CYP4X1: variants seen among roughly 807,000 people sequenced by gnomAD.
CYP4X1 encodes cytochrome P450 family 4 subfamily X member 1.
Under a neutral mutation model 57.9 loss-of-function variants are expected in CYP4X1, and 44 were observed. The observed-to-expected ratio is 0.76, with a 90% CI of 0.60 to 0.98. CYP4X1 has a LOEUF of 0.98. Ranked by LOEUF, CYP4X1 falls within the 50% of genes least tolerant of loss-of-function variation. The pLI is 0.00. For missense variants in CYP4X1, 532 were observed against 623.9 expected (o/e 0.85, Z 1.57); for synonymous variants, 227 against 228.6 (o/e 0.99, Z 0.06).
chr1:46,976,837 G>A, the CYP4X1 span, among the ~76,000 whole-genome samples: 1 of 152,176 alleles, frequency 6.6e-6, no homozygotes, highest in Non-Finnish European at 1.5e-5. Flanking sequence ...AACAGTGTTG[G>A]GAGTGGACCT....
intron 9 of CYP4X1, 61 bp from the exon 10 acceptor site, chr1:47,048,504 G>A: frequency 6.4e-7 from 1 of 1,571,620 alleles, no homozygotes; most frequent in South Asian, 1.1e-5. Context: ...TTGTTTAAGA[G>A]CACAGTAGCC....
At chr1:47,036,370 T>TTTTATATATATATATA (rs1553152517) in intron 6 of CYP4X1, among the ~76,000 whole-genome samples, 199 bp downstream of exon 6, 5 of 129,824 alleles carry the variant, frequency 3.9e-5, no homozygotes, top group East Asian at 3.6e-4. Flanking sequence ...ATCAGAATTT[T>TTTTATATATATATATA]TATATATATA....
At chr1:47,031,512 C>A (rs754547297) in intron 3 of CYP4X1, 32 bp downstream of exon 3, 1 of 1,608,708 alleles carries the variant, frequency 6.2e-7, no homozygotes, top group East Asian at 2.2e-5. Flanking sequence ...GTATAACCCA[C>A]TCTCATTCAA....
chr1:46,980,615 A>G, the CYP4X1 span, among the ~76,000 whole-genome samples: 8 of 152,236 alleles, frequency 5.3e-5, no homozygotes, highest in African/African-American at 1.7e-4. Context: ...TCTTCACAGA[A>G]TTAGAAAAAG....
At chr1:46,968,074 C>T in the CYP4X1 span, among the ~76,000 whole-genome samples, 1 of 152,144 alleles carries the variant, frequency 6.6e-6, no homozygotes, top group African/African-American at 2.4e-5. Context: ...TGCCCAGGGA[C>T]TAGGATCCTT....
the CYP4X1 span, among the ~76,000 whole-genome samples, chr1:46,991,547 C>T: frequency 6.6e-6 from 1 of 152,178 alleles, no homozygotes; most frequent in Non-Finnish European, 1.5e-5. Context: ...GATTATCATC[C>T]ATGGAGCTGT....
intron 8 of CYP4X1, among the ~76,000 whole-genome samples, chr1:47,043,665 G>C (rs931714974): frequency 6.6e-6 from 1 of 152,096 alleles, no homozygotes; most frequent in East Asian, 1.9e-4. Context: ...TTTTGTATAA[G>C]GTGAGAGATG....
the CYP4X1 span, chr1:47,001,169 G>A: frequency 5.2e-6 from 1 of 190,606 alleles, no homozygotes; most frequent in South Asian, 1.3e-4. Flanking sequence ...CCAGTCTGAA[G>A]CTGAGTATTC....
chr1:47,035,755 C>T (rs1370714549), intron 4 of CYP4X1, 51 bp from the exon 5 acceptor site: 2 of 1,573,590 alleles, frequency 1.3e-6, no homozygotes, highest in Non-Finnish European at 1.7e-6. Context: ...CAAATGAAGG[C>T]AATTTGGTCA....
intron 1 of CYP4X1, among the ~76,000 whole-genome samples, chr1:47,028,194 A>G (rs1164009047): frequency 6.6e-6 from 1 of 152,124 alleles, no homozygotes; most frequent in Non-Finnish European, 1.5e-5. Flanking sequence ...GTGCATCTGC[A>G]TGTGTACTTG....
At chr1:47,017,637 A>G in the CYP4X1 span, among the ~76,000 whole-genome samples, 1 of 152,132 alleles carries the variant, frequency 6.6e-6, no homozygotes, top group South Asian at 2.1e-4. Context: ...CTCCCATTCT[A>G]TTCAATGTCG....
intron 1 of CYP4X1, among the ~76,000 whole-genome samples, 188 bp from the exon 2 acceptor site, chr1:47,029,802 C>T (rs1431529188): frequency 1.3e-5 from 2 of 152,178 alleles, no homozygotes; most frequent in Non-Finnish European, 1.5e-5. Context: ...AAGATAAATA[C>T]ACTAACTTTG....
chr1:47,051,430 G>A (rs146129142), downstream of CYP4X1, among the ~76,000 whole-genome samples: 708 of 150,930 alleles, frequency 4.7e-3, 1 homozygote, highest in African/African-American at 0.016. Context: ...TGTCATCTAT[G>A]TGGTATCTTC....
rs555699105 is a variant in CYP4X1, at chr1:47,025,512, G to A, written c.177+1518G>A. Reference sequence around the variant, plus strand: ...ATTCCACTGTCCCAGTAACTATATAGTATTGTATTTTTTAAATAGAAAAAC... The same window carrying A: ...ATTCCACTGTCCCAGTAACTATATAATATTGTATTTTTTAAATAGAAAAAC... On this transcript the variant is annotated intron_variant, in intron 1 of 11. Transcript: ENST00000371901. Among the ~76,000 whole-genome samples the A allele has an allele frequency of 7.2e-5, 11 of 152,230 alleles. No individual in the cohort carries two copies. The South Asian group carries it at 2.3e-3, about 32-fold the overall frequency.
intron 1 of CYP4X1, among the ~76,000 whole-genome samples, chr1:47,024,214 C>T (rs760336516): frequency 6.6e-6 from 1 of 152,192 alleles, no homozygotes; most frequent in Non-Finnish European, 1.5e-5. Context: ...AAAGAGGAAG[C>T]TTTGGGGGCT....
At chr1:47,040,785 T>C (rs1481922342) in intron 8 of CYP4X1, among the ~76,000 whole-genome samples, 1 of 152,128 alleles carries the variant, frequency 6.6e-6, no homozygotes, top group Non-Finnish European at 1.5e-5. Context: ...AACTCATACT[T>C]ATCATTTTTT....
intron 1 of CYP4X1, among the ~76,000 whole-genome samples, chr1:47,026,745 T>G (rs2405588): frequency 0.51 from 77,655 of 151,820 alleles, 22,165 homozygotes; most frequent in Non-Finnish European, 0.65. Context: ...TGAGACAGAG[T>G]CCTGCTCTGT....
At chr1:47,007,716 T>C in the CYP4X1 span, among the ~76,000 whole-genome samples, 1 of 152,016 alleles carries the variant, frequency 6.6e-6, no homozygotes, top group Non-Finnish European at 1.5e-5. Flanking sequence ...AATAACCCAA[T>C]GCAGGGAAGT....
the CYP4X1 span, among the ~76,000 whole-genome samples, chr1:47,017,741 TACCTGTG>T: frequency 3.9e-5 from 6 of 152,302 alleles, no homozygotes; most frequent in East Asian, 3.9e-4. Flanking sequence ...GTTTCTCACC[TACCTGTG>T]ACCTAGAAGC....
Sources: gnomAD v4.1 joint callset for allele counts (sites outside exome capture counted in the v4.1 genomes callset) on GRCh38, gnomAD v4.1.1 for gene constraint, MANE v1.5 for transcripts, NCBI Gene and HGNC (gene_info 2026-07-23, HGNC 2026-07-21) for gene names.